EPC1: variants seen among roughly 807,000 people sequenced by gnomAD.
EPC1 encodes enhancer of polycomb 1, also known as enhancer of polycomb homolog 1.
In EPC1, 12 loss-of-function variants were observed where a neutral mutation model predicts 98.4. The ratio of observed to expected loss-of-function variants is 0.12; its 90% CI spans 0.08 to 0.20. EPC1 has a LOEUF of 0.20. Ranked by LOEUF, EPC1 falls within the 10% of genes least tolerant of loss-of-function variation. The pLI, the probability that EPC1 is intolerant of heterozygous loss-of-function variation, is 1.00. For synonymous variants in EPC1, 357 were observed against 363.9 expected (o/e 0.98, Z 0.21); for missense variants, 729 against 990.5 (o/e 0.74, Z 3.54).
intron 1 of EPC1, among the ~76,000 whole-genome samples, chr10:32,327,643 G>C (rs1837378899): frequency 6.6e-6 from 1 of 152,136 alleles, no homozygotes; most frequent in Non-Finnish European, 1.5e-5. Flanking sequence ...AAACACTATA[G>C]ATTTTACTTA....
intron 1 of EPC1, among the ~76,000 whole-genome samples, chr10:32,336,923 T>G (rs1353986444): frequency 6.6e-6 from 1 of 152,226 alleles, no homozygotes; most frequent in Non-Finnish European, 1.5e-5. Flanking sequence ...TGCTTTTATT[T>G]GTAGCTTTAA....
At chr10:32,346,654 G>A in intron 1 of EPC1, 109 bp downstream of exon 1, 1 of 1,090,104 alleles carries the variant, frequency 9.2e-7, no homozygotes, top group Non-Finnish European at 1.3e-6. Context: ...AGAGTCGGCG[G>A]CGAAGAGAAG....
intron 2 of EPC1, among the ~76,000 whole-genome samples, chr10:32,294,161 C>T (rs964309685): frequency 6.6e-6 from 1 of 152,048 alleles, no homozygotes; most frequent in African/African-American, 2.4e-5. Context: ...TATTTAAGTC[C>T]TATTTTGTAG....
intron 1 of EPC1, among the ~76,000 whole-genome samples, chr10:32,367,617 C>T (rs1272981286): frequency 6.6e-6 from 1 of 152,032 alleles, no homozygotes; most frequent in Non-Finnish European, 1.5e-5. Context: ...ACTAGGGAAA[C>T]TTGTGAATAC....
At chr10:32,310,890 C>T (rs1027466941) in intron 1 of EPC1, among the ~76,000 whole-genome samples, 1 of 148,474 alleles carries the variant, frequency 6.7e-6, no homozygotes, top group East Asian at 2.0e-4. Flanking sequence ...AAAAAAAATT[C>T]ACATAATTAC....
chr10:32,346,811 GTTTATC>G lies in EPC1; in HGVS notation c.99_104del (p.Ile34_Asn35del), dbSNP rs754491741. 6.2e-7 allele frequency: 1 copy of G among 1,614,164 alleles called. No homozygotes were observed. The highest frequency in any genetic ancestry group is 8.5e-7 in the Non-Finnish European group (1 of 1,180,002). On this transcript the variant is annotated inframe_deletion, in exon 1 of 14. Transcript: ENST00000319778. ...CGGTGGGCATCTGCGGCACGGCCCTGTTTATCGAGGCGTATTCGTGCAGGTCGGGCA... is the reference window on the plus strand; with the variant it reads ...CGGTGGGCATCTGCGGCACGGCCCTGGAGGCGTATTCGTGCAGGTCGGGCA...
intron 1 of EPC1, among the ~76,000 whole-genome samples, chr10:32,370,301 A>G (rs944481689): frequency 2.0e-5 from 3 of 152,100 alleles, no homozygotes; most frequent in African/African-American, 7.2e-5. Flanking sequence ...TAGGAGATGG[A>G]TAGTAGGTTT....
chr10:32,291,076 C>T, intron 6 of EPC1, 87 bp downstream of exon 6: 2 of 1,278,088 alleles, frequency 1.6e-6, no homozygotes, highest in Admixed American at 2.0e-5. Context: ...TGTGCCCGGC[C>T]TATGTGTGTT....
intron 1 of EPC1, among the ~76,000 whole-genome samples, chr10:32,340,533 TA>T (rs1838274503): frequency 6.6e-6 from 1 of 152,160 alleles, no homozygotes; most frequent in Non-Finnish European, 1.5e-5. Flanking sequence ...ATCAATAAAT[TA>T]AAAGCAATTC....
At chr10:32,347,409 T>G (rs1887532), upstream of EPC1, 107,979 of 165,004 alleles carry the variant, frequency 0.65, 35,798 homozygotes, top group Middle Eastern at 0.75. Context: ...CGTGCTCTCC[T>G]GCAGCGCACA....
intron 1 of EPC1, among the ~76,000 whole-genome samples, chr10:32,361,824 T>C (rs1269957193): frequency 6.6e-6 from 1 of 152,146 alleles, no homozygotes; most frequent in Non-Finnish European, 1.5e-5. Flanking sequence ...CCCAGACAGT[T>C]AAGGCATTCT....
At chr10:32,285,083 A>G in intron 9 of EPC1, 33 bp from the exon 10 acceptor site, 1 of 1,531,016 alleles carries the variant, frequency 6.5e-7, no homozygotes, top group South Asian at 1.2e-5. Flanking sequence ...ACAGTTATTT[A>G]AAATAGCTAT....
At chr10:32,367,675 A>G (rs1011415969) in intron 1 of EPC1, among the ~76,000 whole-genome samples, 61 of 152,240 alleles carry the variant, frequency 4.0e-4, no homozygotes, top group African/African-American at 1.4e-3. Context: ...TCGTAAAGTC[A>G]TATAAAGGTG....
In EPC1 at chr10:32,284,820, T is replaced by C. The variant is rs748632211; in HGVS notation, c.1622A>G (p.Asn541Ser). 25 of 1,614,094 alleles carry C rather than the reference T, an allele frequency of 1.5e-5. No individual in the cohort carries two copies. Among genetic ancestry groups the C allele is most frequent in the Non-Finnish European group, 2.0e-5 (24 of 1,180,014 alleles). ...TAATTTTCTACAGGAGAGTTCATCA[T>C]TGTCACTGTCATGTAGGGATGGTGT... ...PRTPSLHDSDNDELSCRKLYR... is the reference protein window; with the variant it reads ...PRTPSLHDSDSDELSCRKLYR... The change falls in exon 10 of 14, where the codon AAT (asparagine) becomes AGT (serine). Residue 541 changes from asparagine to serine, a missense_variant. This residue lies in a region of EPC1 where 390 missense variants were observed against 438.6 expected (regional missense o/e 0.89). Transcript: ENST00000319778.
intron 1 of EPC1, among the ~76,000 whole-genome samples, chr10:32,336,536 C>T (rs1287380364): frequency 1.4e-4 from 21 of 152,068 alleles, no homozygotes; most frequent in Non-Finnish European, 2.9e-5. Flanking sequence ...AATATTGAGC[C>T]CTCAGCAAGT....
At chr10:32,344,175 T>C (rs543532784) in intron 1 of EPC1, among the ~76,000 whole-genome samples, 3 of 152,330 alleles carry the variant, frequency 2.0e-5, no homozygotes, top group South Asian at 2.1e-4. Context: ...CAATTACCTT[T>C]ATGTTTAATA....
intron 1 of EPC1, among the ~76,000 whole-genome samples, chr10:32,315,373 C>A (rs982590580): frequency 6.6e-6 from 1 of 152,028 alleles, no homozygotes; most frequent in Non-Finnish European, 1.5e-5. Flanking sequence ...TATGCAGATT[C>A]CTAAACAAAG....
rs377653034 is a variant in EPC1 at position 32,286,873 on chromosome 10, T to G, written c.1243-31A>C. 3.9e-4 allele frequency: 630 copies of G among 1,611,482 alleles called. 1 individual carries two copies. The highest frequency in any genetic ancestry group is 5.0e-4 in the Non-Finnish European group (587 of 1,179,108). On this transcript the variant is annotated intron_variant, in intron 8 of 13. Transcript: ENST00000319778. ...AAAAAAAAATCCAAATTATTTAATT[T>G]TGTCAGTTAAAGGTAAATAGTTTGT...
At chr10:32,343,708 A>T (rs1482681631) in intron 1 of EPC1, among the ~76,000 whole-genome samples, 1 of 143,818 alleles carries the variant, frequency 7.0e-6, no homozygotes, top group Non-Finnish European at 1.5e-5. Context: ...GGGGGGGTGT[A>T]AGGGCTTCTA....
Sources: gnomAD v4.1 joint callset for allele counts (sites outside exome capture counted in the v4.1 genomes callset) on GRCh38, gnomAD v4.1.1 for gene constraint, gnomAD v4.1.1 regional missense constraint, MANE v1.5 for transcripts, NCBI Gene and HGNC (gene_info 2026-07-23, HGNC 2026-07-21) for gene names.